The following MACROH2A1 variants were observed in gnomAD, a reference collection of about 807,000 sequenced individuals.
The protein encoded by MACROH2A1 is core histone macro-H2A.1.
Under a neutral mutation model 31.6 loss-of-function variants are expected in MACROH2A1, and 2 were observed. That is an observed-to-expected ratio of 0.06 (90% confidence interval 0.03 to 0.20). The LOEUF (loss-of-function observed/expected upper bound fraction) is 0.20. Ranked by LOEUF, MACROH2A1 falls within the 10% of genes least tolerant of loss-of-function variation. The pLI, the probability that MACROH2A1 is intolerant of heterozygous loss-of-function variation, is 1.00. For synonymous variants in MACROH2A1, 169 were observed against 189.6 expected, an observed-to-expected ratio of 0.89 and a Z score of 0.89; for missense variants, 230 against 474.0, an observed-to-expected ratio of 0.49 and a Z score of 4.78.
intron 4 of MACROH2A1, among the ~76,000 whole-genome samples, chr5:135,365,849 A>G (rs193177052): frequency 2.4e-4 from 36 of 152,340 alleles, no homozygotes; most frequent in African/African-American, 8.4e-4. Context: ...GTCAGAATGA[A>G]CGCTACAACA....
At position 135,345,808 on chromosome 5, in the gene MACROH2A1, T is replaced by G. The variant is rs1299243492; in HGVS notation, c.778+160A>C. ...ATTTTCCCAGACAACCTGCATGTGGTGAAACTCTAAGATGTAAAGCTACAG... is the reference window on the plus strand; with the variant it reads ...ATTTTCCCAGACAACCTGCATGTGGGGAAACTCTAAGATGTAAAGCTACAG... On this transcript the variant is annotated intron_variant, in intron 7 of 8. Transcript: ENST00000511689. 8.8e-6 allele frequency: 5 copies of G among 567,432 alleles called. No individual in the cohort carries two copies. The East Asian group carries it at 1.4e-4, about 16-fold the overall frequency. The allele number at this position is 567,432 out of a possible 1,614,324, so 35.1% of individuals were successfully genotyped here.
Position 135,369,504 on chromosome 5 carries a change from T to C in MACROH2A1, c.379A>G (p.Ile127Val), listed in dbSNP as rs182165691. The change falls in exon 4 of 9, where the codon ATC becomes GTC. Residue 127 changes from isoleucine to valine, a missense_variant. By Grantham distance (29) the Ile-to-Val change is conservative. Around this residue, in one of 2 missense-constraint regions of MACROH2A1, gnomAD observed 183 missense variants for 319.3 expected, o/e 0.57. Transcript: ENST00000511689. The surrounding 1 kb of genome is among the most constrained non-coding windows in gnomAD (Gnocchi z 4.3). ...KRGSKGKLEA[I>V]ITPPPAKKAK... is the part of the protein sequence containing the mutation. Reference sequence around the variant, plus strand: ...TTTTTGGCTGGGGGTGGTGTGATGATGGCTTCCAACTTTCCTTTGGATCCC... The same window carrying C: ...TTTTTGGCTGGGGGTGGTGTGATGACGGCTTCCAACTTTCCTTTGGATCCC... 16 of 1,614,060 alleles carry C rather than the reference T, an allele frequency of 9.9e-6. No individual in the cohort carries two copies. The highest frequency in any genetic ancestry group is 1.3e-5 in the African/African-American group (1 of 74,934).
chr5:135,356,071 T>C (rs1762138917), intron 5 of MACROH2A1: 1 of 152,224 alleles, frequency 6.6e-6, no homozygotes, highest in Non-Finnish European at 1.5e-5. Context: ...GACTGCTTCT[T>C]TGTACCGTCG....
chr5:135,388,894 G>A, intron 2 of MACROH2A1, 28 bp downstream of exon 2: 1 of 1,549,206 alleles, frequency 6.5e-7, no homozygotes, highest in Middle Eastern at 1.7e-4. Context: ...TAAGCCAGTG[G>A]TGTCTGGGTT....
intron 2 of MACROH2A1, among the ~76,000 whole-genome samples, chr5:135,383,010 C>T (rs1449603413): frequency 2.3e-4 from 35 of 152,238 alleles, no homozygotes; most frequent in Non-Finnish European, 7.3e-5. Flanking sequence ...TAGAGAAGTA[C>T]TGGTGGAATT....
At chr5:135,351,765 C>T (rs747533721) in intron 6 of MACROH2A1, among the ~76,000 whole-genome samples, 2 of 151,262 alleles carry the variant, frequency 1.3e-5, no homozygotes, top group Admixed American at 6.6e-5. Context: ...GTCTCACTAT[C>T]TTGCCCAGGT....
intron 2 of MACROH2A1, among the ~76,000 whole-genome samples, chr5:135,380,460 A>T (rs529748778): frequency 1.5e-4 from 23 of 152,328 alleles, no homozygotes; most frequent in African/African-American, 5.5e-4. Context: ...CAGTGAAGGA[A>T]GGTTCTCCAA....
At chr5:135,367,343 A>G (rs1279422857) in intron 4 of MACROH2A1, among the ~76,000 whole-genome samples, 1 of 152,238 alleles carries the variant, frequency 6.6e-6, no homozygotes, top group Admixed American at 6.5e-5. Context: ...TATTGTGTGG[A>G]AGAAAAACAG....
At chr5:135,373,505 G>A (rs993518928) in intron 2 of MACROH2A1, among the ~76,000 whole-genome samples, 1 of 152,136 alleles carries the variant, frequency 6.6e-6, no homozygotes. Context: ...AGTAGCCTCA[G>A]TTTCTCCATT....
At chr5:135,385,880 C>T (rs1766337979) in intron 2 of MACROH2A1, among the ~76,000 whole-genome samples, 1 of 152,188 alleles carries the variant, frequency 6.6e-6, no homozygotes, top group South Asian at 2.1e-4. Context: ...AGAGTGTGAG[C>T]TCCATGAAGC....
intron 2 of MACROH2A1, among the ~76,000 whole-genome samples, chr5:135,383,700 G>GGTGTGGGT (rs1554099983): frequency 7.3e-6 from 1 of 137,150 alleles, no homozygotes; most frequent in Admixed American, 7.2e-5. Flanking sequence ...GATGTGGTGT[G>GGTGTGGGT]GTGTGTGTGT....
chr5:135,355,052 C>T (rs1410686910), intron 5 of MACROH2A1: 1 of 456,006 alleles, frequency 2.2e-6, no homozygotes, highest in Non-Finnish European at 4.4e-6. Context: ...TGTATAGATG[C>T]TTCTGGTGTT....
chr5:135,349,405 G>A (rs1203895699), intron 6 of MACROH2A1, among the ~76,000 whole-genome samples: 3 of 152,150 alleles, frequency 2.0e-5, no homozygotes, highest in African/African-American at 7.2e-5. Flanking sequence ...TGTGAAAGGG[G>A]AGTTTAACTG....
chr5:135,337,763 TAG>T (rs1759024821), intron 8 of MACROH2A1, among the ~76,000 whole-genome samples: 1 of 152,204 alleles, frequency 6.6e-6, no homozygotes, highest in Admixed American at 6.5e-5. Flanking sequence ...TCAAATGTTT[TAG>T]ACTTGCAGTG....
At position 135,369,315 on chromosome 5, in the gene MACROH2A1, C is replaced by A. The variant is rs1581254485; in HGVS notation, c.477+91G>T. 53 of 1,018,630 alleles carry A rather than the reference C, an allele frequency of 5.2e-5. No homozygotes were observed. The East Asian group carries it at 1.3e-3, about 24-fold the overall frequency. 63.1% of individuals were successfully genotyped at this position (1,018,630 alleles called of 1,614,324 possible). On this transcript the variant is annotated intron_variant, in intron 4 of 8. Coordinates refer to ENST00000511689, the MANE Select transcript of MACROH2A1 (RefSeq NM_138610.3). The surrounding 1 kb of genome is among the most constrained non-coding windows in gnomAD (Gnocchi z 4.3). ...TTTATTCTCCCATCAGTGGGATGAG[C>A]CCACAGGGGGAATGAGGGGGGTGCC...
At chr5:135,359,798 C>T (rs556148299) in intron 5 of MACROH2A1, 2 of 948,216 alleles carry the variant, frequency 2.1e-6, no homozygotes, top group South Asian at 9.8e-5. Context: ...TCTTTCTTCC[C>T]ACCCCTTTTT....
chr5:135,396,245 TAA>T (rs1190801154), intron 1 of MACROH2A1, among the ~76,000 whole-genome samples: 1 of 152,234 alleles, frequency 6.6e-6, no homozygotes, highest in Admixed American at 6.5e-5. Context: ...AGAGAAAAGT[TAA>T]AGTGTGGGCT....
At chr5:135,365,350 C>T (rs1763367160) in intron 4 of MACROH2A1, among the ~76,000 whole-genome samples, 1 of 152,190 alleles carries the variant, frequency 6.6e-6, no homozygotes, top group Non-Finnish European at 1.5e-5. Flanking sequence ...CAGGAGCTCT[C>T]TGCCCCCAGT....
intron 8 of MACROH2A1, among the ~76,000 whole-genome samples, chr5:135,338,786 C>CCTAT (rs1159261663): frequency 1.3e-5 from 2 of 152,340 alleles, no homozygotes; most frequent in Non-Finnish European, 1.5e-5. Flanking sequence ...AGCTGTGCTG[C>CCTAT]CTATCTTTCA....
Sources: allele counts gnomAD v4.1 joint callset (sites outside exome capture counted in the v4.1 genomes callset), GRCh38; gene constraint gnomAD v4.1.1; regional missense constraint gnomAD v4.1.1; non-coding constraint Gnocchi (gnomAD v3.1); transcripts MANE v1.5; gene names NCBI Gene and HGNC (gene_info 2026-07-23, HGNC 2026-07-21).